RARB: variants seen among roughly 807,000 people sequenced by gnomAD.
RARB encodes HBV-activated protein.
A neutral mutation model predicts 51.9 loss-of-function variants in RARB; 17 were observed. That is an observed-to-expected ratio of 0.33 (90% CI 0.22 to 0.49). The LOEUF (loss-of-function observed/expected upper bound fraction) is 0.49. Among genes scored for constraint, RARB ranks in the 20% least tolerant of loss-of-function variants. RARB has a pLI of 0.99. For missense variants in RARB, 369 were observed against 550.8 expected (o/e 0.67, Z 3.30); for synonymous variants, 215 against 195.4 (o/e 1.10, Z -0.84).
At chr3:25,017,071 T>G (rs1181332776) in intron 2 of RARB, among the ~76,000 whole-genome samples, 1 of 152,180 alleles carries the variant, frequency 6.6e-6, no homozygotes, top group African/African-American at 2.4e-5. Flanking sequence ...AATTAGGCTC[T>G]ACTTCTTGGT....
intron 3 of RARB, among the ~76,000 whole-genome samples, chr3:25,514,757 C>A (rs1198573380): frequency 6.6e-6 from 1 of 152,100 alleles, no homozygotes; most frequent in African/African-American, 2.4e-5. Flanking sequence ...CATGATATGG[C>A]CCTTCCAAAG....
intron 2 of RARB, among the ~76,000 whole-genome samples, chr3:25,000,769 C>G (rs1302703033): frequency 6.6e-6 from 1 of 152,060 alleles, no homozygotes; most frequent in Non-Finnish European, 1.5e-5. Context: ...AAAAATCTGT[C>G]AGTAATAATT....
chr3:25,150,750 G>A (rs967787312), intron 4 of RARB, among the ~76,000 whole-genome samples: 4 of 152,126 alleles, frequency 2.6e-5, no homozygotes, highest in Non-Finnish European at 5.9e-5. Context: ...CCAAGAGAGT[G>A]CAATAATGTA....
At chr3:25,163,044 G>A (rs780840791) in intron 4 of RARB, among the ~76,000 whole-genome samples, 5 of 152,208 alleles carry the variant, frequency 3.3e-5, no homozygotes, top group African/African-American at 7.2e-5. Flanking sequence ...CACCAGCAAC[G>A]TTAAAGCATT....
chr3:25,285,390 G>A (rs1703624487), intron 5 of RARB, among the ~76,000 whole-genome samples: 1 of 152,182 alleles, frequency 6.6e-6, no homozygotes, highest in Non-Finnish European at 1.5e-5. Context: ...AGAGAGAGAT[G>A]GGACATGTGG....
chr3:25,307,977 A>C (rs1190471576), intron 5 of RARB, among the ~76,000 whole-genome samples: 2 of 152,228 alleles, frequency 1.3e-5, no homozygotes, highest in African/African-American at 4.8e-5. Flanking sequence ...AGCAAAGCCT[A>C]AAGTACTTAC....
chr3:25,494,379 G>T (rs4021037), intron 2 of RARB, among the ~76,000 whole-genome samples: 33,448 of 151,938 alleles, frequency 0.22, 4,052 homozygotes, highest in African/African-American at 0.33. Context: ...TTGGGGGAAA[G>T]CCTGCCTTTC....
At position 25,207,793 on chromosome 3, in the gene RARB, G is replaced by T. The variant is rs140094474; in HGVS notation, c.178+33218G>T. On this transcript the variant is annotated intron_variant, in intron 5 of 11. Transcript: ENST00000383772. Reference sequence around the variant, plus strand: ...GCAATTAAGACTCTTCAGAGGGATAGAATGTGTGTTAGGCTGTTCTTGAGT... The same window carrying T: ...GCAATTAAGACTCTTCAGAGGGATATAATGTGTGTTAGGCTGTTCTTGAGT... Among the ~76,000 whole-genome samples, 948 of 152,312 alleles carry T rather than the reference G, an allele frequency of 6.2e-3. 17 individuals carry two copies. Among genetic ancestry groups the T allele is most frequent in the East Asian group, 0.03 (155 of 5,182 alleles).
At position 25,190,204 on chromosome 3, in the gene RARB, G is replaced by C. The variant is rs979906474; in HGVS notation, c.178+15629G>C. On this transcript the variant is annotated intron_variant, in intron 5 of 11. Transcript: ENST00000383772. ...GACCAGTAGAAACAAATGGATTCAAGAGTTAAATTTTCCTCAATCTAATTC... is the reference window on the plus strand; with the variant it reads ...GACCAGTAGAAACAAATGGATTCAACAGTTAAATTTTCCTCAATCTAATTC... 7.0e-3 allele frequency among the ~76,000 whole-genome samples: 83 copies of C among 11,784 alleles called. 2 individuals are homozygous for C. Among genetic ancestry groups the C allele is most frequent in the Admixed American group, 5.1e-3 (6 of 1,170 alleles). The allele number at this position is 11,784 out of a possible 152,430, so 7.7% of individuals were successfully genotyped here.
intron 4 of RARB, among the ~76,000 whole-genome samples, chr3:25,152,699 C>A (rs1700308977): frequency 6.6e-6 from 1 of 152,146 alleles, no homozygotes; most frequent in Non-Finnish European, 1.5e-5. Flanking sequence ...TTTTTAAAGG[C>A]TCTACATATT....
chr3:25,157,649 C>T (rs1030063573), intron 4 of RARB, among the ~76,000 whole-genome samples: 16 of 152,080 alleles, frequency 1.1e-4, no homozygotes, highest in Admixed American at 3.3e-4. Context: ...TGCCTGCCTC[C>T]GCCTCCCAAA....
chr3:25,035,361 A>G (rs190178827), intron 2 of RARB, among the ~76,000 whole-genome samples: 11 of 150,668 alleles, frequency 7.3e-5, no homozygotes, highest in Non-Finnish European at 1.2e-4. Flanking sequence ...AGCTCAAGCA[A>G]TCTGACATGC....
At chr3:25,434,442 A>G (rs1044309468) in intron 1 of RARB, among the ~76,000 whole-genome samples, 57 of 152,122 alleles carry the variant, frequency 3.7e-4, no homozygotes, top group African/African-American at 1.4e-3. Flanking sequence ...CGATCACCAA[A>G]TATCATCCAC....
chr3:24,846,880 A>G (rs575091183), intron 1 of RARB, among the ~76,000 whole-genome samples: 1 of 152,222 alleles, frequency 6.6e-6, no homozygotes, highest in East Asian at 1.9e-4. Context: ...GAAAAAAAAA[A>G]AAAAGGAAGA....
intron 2 of RARB, among the ~76,000 whole-genome samples, chr3:25,474,671 G>A (rs1280983233): frequency 6.6e-6 from 1 of 152,172 alleles, no homozygotes; most frequent in African/African-American, 2.4e-5. Flanking sequence ...TGTTTGTTGT[G>A]TTGAGCTGTG....
At chr3:25,274,161 AAT>A (rs771572864) in intron 5 of RARB, among the ~76,000 whole-genome samples, 81 of 152,232 alleles carry the variant, frequency 5.3e-4, no homozygotes, top group Non-Finnish European at 8.7e-4. Flanking sequence ...TAATTTCAAC[AAT>A]ATGTTTCATT....
chr3:24,991,041 T>G (rs1265665485), intron 2 of RARB, among the ~76,000 whole-genome samples: 1 of 152,256 alleles, frequency 6.6e-6, no homozygotes, highest in East Asian at 1.9e-4. Flanking sequence ...ATAGGTATGT[T>G]ACTGTTTTTA....
chr3:25,318,307 T>A (rs1238833554), intron 5 of RARB, among the ~76,000 whole-genome samples: 2 of 152,196 alleles, frequency 1.3e-5, no homozygotes, highest in East Asian at 1.9e-4. Flanking sequence ...TCTCGAGTTA[T>A]TATTGCAGTT....
intron 3 of RARB, among the ~76,000 whole-genome samples, chr3:25,073,831 CT>C (rs199824769): frequency 0.066 from 9,669 of 146,334 alleles, 539 homozygotes; most frequent in African/African-American, 0.15. Flanking sequence ...ACAATAGTGA[CT>C]TTTTTTTTTT....
Sources: allele counts gnomAD v4.1 joint callset (sites outside exome capture counted in the v4.1 genomes callset), GRCh38; gene constraint gnomAD v4.1.1; transcripts MANE v1.5; gene names NCBI Gene and HGNC (gene_info 2026-07-23, HGNC 2026-07-21).